The following FRMD1 variants were observed in gnomAD, a reference collection of about 807,000 sequenced individuals.
FRMD1 encodes the protein FERM domain containing 1, also known as FERM domain-containing protein 1.
In FRMD1, 51 loss-of-function variants were observed where a neutral mutation model predicts 54.9. That is an observed-to-expected ratio of 0.93 (90% CI 0.74 to 1.17). The LOEUF is 1.17. FRMD1 is among the 50% of genes most tolerant of loss of function. The probability of loss-of-function intolerance (pLI) is 0.00; values close to 1 mark genes in which losing one functional copy is unlikely to be tolerated. For missense variants in FRMD1, 729 were observed against 743.0 expected (o/e 0.98, Z 0.22); for synonymous variants, 324 against 306.4 (o/e 1.06, Z -0.60).
chr6:168,064,937 C>T lies in FRMD1; in HGVS notation c.582G>A (p.Leu194=), dbSNP rs1387741886. The T allele has an allele frequency of 6.2e-7, 1 of 1,610,518 alleles. No homozygotes were observed. The highest frequency in any genetic ancestry group is 8.5e-7 in the Non-Finnish European group (1 of 1,179,038). The change falls in exon 5 of 11, where the codon CTG becomes CTA. Residue 194 remains leucine, a synonymous_variant. Coordinates refer to ENST00000283309, the MANE Select transcript of FRMD1 (RefSeq NM_024919.6). ...LLAACALQAD[L]GEHRESAHAG... is the part of the protein sequence containing the mutation. ...CATGGGCCGACTCCCGGTGCTCGCC[C>T]AGGTCAGCCTGCAGCGCGCAGGCAG...
intron 1 of FRMD1, among the ~76,000 whole-genome samples, chr6:168,090,707 C>G (rs1801001463): frequency 6.6e-6 from 1 of 152,274 alleles, no homozygotes; most frequent in African/African-American, 2.4e-5. Flanking sequence ...CATCTCCCCA[C>G]TGCTGAGAGC....
At position 168,057,045 on chromosome 6, in the gene FRMD1, T is replaced by G; in HGVS notation, c.*52A>C. ...GGACGAGGGCCATGTGGAAGTGGGG[T>G]GGGCAGGGGCTGAGCCTGGCGGTGC... On this transcript the variant is annotated 3_prime_UTR_variant, in exon 11 of 11. Transcript: ENST00000283309. 1.4e-6 allele frequency: 2 copies of G among 1,425,204 alleles called. No individual in the cohort carries two copies. Among genetic ancestry groups the G allele is most frequent in the East Asian group, 2.7e-5 (1 of 36,564 alleles). The allele number at this position is 1,425,204 out of a possible 1,614,324, so 88.3% of individuals were successfully genotyped here.
At chr6:168,075,393 C>A in intron 1 of FRMD1, 58 bp from the exon 2 acceptor site, 1 of 1,442,622 alleles carries the variant, frequency 6.9e-7, no homozygotes, top group Admixed American at 1.7e-5. Flanking sequence ...CCAGGGAGGC[C>A]ACCTCAGCAA....
chr6:168,063,693 G>T lies in FRMD1; in HGVS notation c.712C>A (p.Gln238Lys). 1 of 1,613,926 alleles carries T rather than the reference G, an allele frequency of 6.2e-7. No homozygotes were observed. The highest frequency in any genetic ancestry group is 1.1e-5 in the South Asian group (1 of 91,072). The part of the protein sequence containing the change: ...RHMPTLHRER[Q>K]GLSPKEAMLC... ...ATGGCCTCCTTGGGGCTCAGGCCCT[G>T]GCGCTCACGGTGCAGGGTAGGCATG... The change falls in exon 6 of 11, where the codon CAG becomes AAG. Residue 238 changes from glutamine to lysine, a missense_variant. Gln to Lys is a moderately conservative substitution (Grantham distance 53). Coordinates refer to ENST00000283309, the MANE Select transcript of FRMD1 (RefSeq NM_024919.6).
chr6:168,081,597 G>A, upstream of FRMD1: 3 of 1,306,666 alleles, frequency 2.3e-6, no homozygotes, highest in East Asian at 7.7e-5. Context: ...AAGCTTCGGA[G>A]CTCTAGGTCC....
At chr6:168,076,507 A>G (rs13207017) in intron 1 of FRMD1, among the ~76,000 whole-genome samples, 56,636 of 152,058 alleles carry the variant, frequency 0.37, 12,331 homozygotes, top group South Asian at 0.58. Flanking sequence ...AGTTCTCATG[A>G]TAGTGAGAGA....
rs756882257 is a variant in FRMD1 at position 168,079,085 on chromosome 6, G to C, written c.10C>G (p.Pro4Ala). 3.1e-6 allele frequency: 5 copies of C among 1,601,876 alleles called. No homozygotes were observed. The Admixed American group carries it at 8.4e-5, about 27-fold the overall frequency. Reference sequence around the variant, plus strand: ...GGGTCTATGCCCCTCCCTCTCGGGGGCACCGCCATGCTGTCGTTACTCGGC... The same window carrying C: ...GGGTCTATGCCCCTCCCTCTCGGGGCCACCGCCATGCTGTCGTTACTCGGC... Reference protein sequence around the residue: MAVPPRGRGIDPAR... With the variant: MAVAPRGRGIDPAR... The change falls in exon 1 of 11, where the codon CCC (proline) becomes GCC (alanine). Residue 4 changes from proline (P) to alanine (A), a missense_variant. Pro to Ala is a conservative substitution (Grantham distance 27, BLOSUM62 -1). Coordinates refer to ENST00000283309, the MANE Select transcript of FRMD1 (RefSeq NM_024919.6).
chr6:168,053,609 T>G lies in FRMD1; in HGVS notation c.*3488A>C, dbSNP rs1799326944. 6.6e-6 allele frequency: 1 copy of G among 152,070 alleles called. No homozygotes were observed. The highest frequency in any genetic ancestry group is 6.6e-5 in the Admixed American group (1 of 15,264). The allele number at this position is 152,070 out of a possible 1,614,324, so 9.4% of individuals were successfully genotyped here. On this transcript the variant is annotated 3_prime_UTR_variant, in exon 11 of 11. Coordinates refer to ENST00000283309, the MANE Select transcript of FRMD1 (RefSeq NM_024919.6). ...CGAAAGGAGCGTGACGGATGAACCC[T>G]GAGTGGAAGGGGCCGCCTGTCCCAA...
chr6:168,089,638 C>T (rs1800981826), intron 1 of FRMD1, among the ~76,000 whole-genome samples: 1 of 152,246 alleles, frequency 6.6e-6, no homozygotes, highest in Non-Finnish European at 1.5e-5. Flanking sequence ...AGGGTGCACC[C>T]CTTCCAGCAG....
intron 5 of FRMD1, 98 bp from the exon 6 acceptor site, chr6:168,063,854 C>T: frequency 2.9e-6 from 4 of 1,384,884 alleles, no homozygotes; most frequent in Non-Finnish European, 2.9e-6. Context: ...ACTCCCACAG[C>T]TGGTGCCAAC....
rs1310414417 is a variant in FRMD1, at chr6:168,063,684, T to C, written c.721A>G (p.Ser241Gly). The stretch of plus-strand genomic sequence containing the variant: ...AAGCACAGCATGGCCTCCTTGGGGC[T>C]CAGGCCCTGGCGCTCACGGTGCAGG... Reference protein sequence around the residue: ...PTLHRERQGLSPKEAMLCFIQ... With the variant: ...PTLHRERQGLGPKEAMLCFIQ... Residue 241 changes from serine to glycine, a missense_variant, in exon 6 of 11, where the codon AGC becomes GGC. Physicochemically the swap from Ser to Gly is moderately conservative, Grantham distance 56 (BLOSUM62 0). Coordinates refer to ENST00000283309, the MANE Select transcript of FRMD1 (RefSeq NM_024919.6). 2 of 1,613,762 alleles carry C rather than the reference T, an allele frequency of 1.2e-6. No homozygotes were observed. The highest frequency in any genetic ancestry group is 2.7e-5 in the African/African-American group (2 of 74,932).
chr6:168,063,544 G>C, intron 6 of FRMD1, 57 bp downstream of exon 6: 1 of 1,521,110 alleles, frequency 6.6e-7, no homozygotes, highest in South Asian at 1.3e-5. Flanking sequence ...TGGGGGCTCC[G>C]TGCATCCCTG....
chr6:168,092,020 G>A (rs1205005946), intron 1 of FRMD1, among the ~76,000 whole-genome samples: 3 of 152,356 alleles, frequency 2.0e-5, no homozygotes, highest in East Asian at 1.9e-4. Context: ...GGCTCTGTCC[G>A]GCCTCCACAG....
At chr6:168,064,659 G>A (rs1799934405) in intron 5 of FRMD1, among the ~76,000 whole-genome samples, 1 of 152,192 alleles carries the variant, frequency 6.6e-6, no homozygotes, top group African/African-American at 2.4e-5. Context: ...GCCTGCTCAG[G>A]GCCACTCCTC....
rs761987445 is a variant in FRMD1 at position 168,056,639 on chromosome 6, CTG to C, written c.*456_*457del. Reference sequence around the variant, plus strand: ...GAACCTGGGTCCTGCACAGTGATGACTGTGAACTCCGGCTTGGGAGCTCTGGC... The same window carrying C: ...GAACCTGGGTCCTGCACAGTGATGACTGAACTCCGGCTTGGGAGCTCTGGC... On this transcript the variant is annotated 3_prime_UTR_variant, in exon 11 of 11. Coordinates refer to ENST00000283309, the MANE Select transcript of FRMD1 (RefSeq NM_024919.6). 146 of 121,772 alleles carry C rather than the reference CTG, an allele frequency of 1.2e-3. 2 individuals are homozygous for C. The highest frequency in any genetic ancestry group is 1.8e-3 in the Non-Finnish European group (100 of 55,770). The allele number at this position is 121,772 out of a possible 1,614,324, so 7.5% of individuals were successfully genotyped here.
rs143138869 is a variant in FRMD1 at position 168,063,630 on chromosome 6, C to T, written c.775G>A (p.Val259Met). The change falls in exon 6 of 11, where the codon GTG becomes ATG. Residue 259 changes from valine (V) to methionine (M), a missense_variant. Transcript: ENST00000283309. ...TGCAGCCTGAAGAAGTGCACGGGCA[C>T]GTCCTCCAGCCGGCAGGCCTCCTGG... ...FIQEACRLED[V>M]PVHFFRLHKD... The T allele has an allele frequency of 1.0e-4, 166 of 1,612,922 alleles. No individual in the cohort carries two copies. Among genetic ancestry groups the T allele is most frequent in the African/African-American group, 4.5e-4 (34 of 74,944 alleles).
chr6:168,065,767 C>T (rs1423379207), intron 4 of FRMD1: 14 of 993,086 alleles, frequency 1.4e-5, no homozygotes, highest in East Asian at 1.1e-4. Context: ...CACAACCACA[C>T]GCCCCTCACC....
intron 1 of FRMD1, among the ~76,000 whole-genome samples, chr6:168,090,678 C>T (rs1011662328): frequency 6.6e-6 from 1 of 152,246 alleles, no homozygotes; most frequent in South Asian, 2.1e-4. Flanking sequence ...GTCTTACTTG[C>T]TGCTGTTTTG....
Position 168,065,050 on chromosome 6 carries a change from T to G in FRMD1, c.469A>C (p.Arg157=). The change falls in exon 5 of 11, where the codon AGG becomes CGG. Residue 157 remains arginine, a synonymous_variant. Coordinates refer to ENST00000283309, the MANE Select transcript of FRMD1 (RefSeq NM_024919.6). ...VENGRVISDH[R]ARHLYYCHLK... ...TGGCAGTAGTACAGGTGCCGTGCCC[T>G]GTGGTCGCTGGAAGGTGGCAGGGAG... The G allele has an allele frequency of 6.3e-7, 1 of 1,599,262 alleles. No homozygotes were observed. Among genetic ancestry groups the G allele is most frequent in the Non-Finnish European group, 8.5e-7 (1 of 1,170,416 alleles).
Sources: gnomAD v4.1 joint callset for allele counts (sites outside exome capture counted in the v4.1 genomes callset) on GRCh38, gnomAD v4.1.1 for gene constraint, MANE v1.5 for transcripts, NCBI Gene and HGNC (gene_info 2026-07-23, HGNC 2026-07-21) for gene names.